NPAS3: variants seen among roughly 807,000 people sequenced by gnomAD.
NPAS3 encodes the protein neuronal PAS domain protein 3, also known as neuronal PAS domain-containing protein 3.
A neutral mutation model predicts 73.1 loss-of-function variants in NPAS3; 14 were observed. That is an observed-to-expected ratio of 0.19 (90% confidence interval 0.13 to 0.30). The LOEUF (loss-of-function observed/expected upper bound fraction) is 0.30, where lower values mean the gene tolerates loss of function less well. Among genes scored for constraint, NPAS3 ranks in the 10% least tolerant of loss-of-function variants. NPAS3 has a pLI of 1.00. For missense variants in NPAS3, 1,096 were observed against 1,250.0 expected (o/e 0.88, Z 1.86); for synonymous variants, 620 against 541.5 (o/e 1.14, Z -2.01).
At chr14:33,569,090 C>T (rs1198102155) in intron 5 of NPAS3, among the ~76,000 whole-genome samples, 1 of 152,110 alleles carries the variant, frequency 6.6e-6, no homozygotes, top group Non-Finnish European at 1.5e-5. Context: ...TTTTTATCTA[C>T]AGATATAAAT....
intron 5 of NPAS3, among the ~76,000 whole-genome samples, chr14:33,617,009 C>G (rs1164599828): frequency 6.6e-6 from 1 of 152,162 alleles, no homozygotes; most frequent in East Asian, 1.9e-4. Context: ...AAATATCTTG[C>G]CTGCAGCACC....
intron 2 of NPAS3, among the ~76,000 whole-genome samples, chr14:33,079,923 T>C (rs115571308): frequency 1.0e-3 from 159 of 152,118 alleles, no homozygotes; most frequent in African/African-American, 3.8e-3. Context: ...GAATTGTACT[T>C]TTTCTTTCAA....
In NPAS3 at chr14:33,165,820, C is replaced by T. The variant is rs76461121; in HGVS notation, c.141-49362C>T. Reference sequence around the variant, plus strand: ...GCACAGTGACACTTTCTGTAGCAAACTTATTCAGCCTAGGCTTATAGGAAT... The same window carrying T: ...GCACAGTGACACTTTCTGTAGCAAATTTATTCAGCCTAGGCTTATAGGAAT... On this transcript the variant is annotated intron_variant, in intron 2 of 11. Coordinates refer to ENST00000356141, the Ensembl canonical transcript of NPAS3. Among the ~76,000 whole-genome samples the T allele has an allele frequency of 5.2e-4, 79 of 152,198 alleles. 1 individual carries two copies. In the East Asian group the frequency reaches 0.013, roughly 25 times the overall value.
chr14:33,743,274 A>G (rs1318656948), intron 7 of NPAS3, among the ~76,000 whole-genome samples: 2 of 152,286 alleles, frequency 1.3e-5, no homozygotes, highest in African/African-American at 4.8e-5. Flanking sequence ...TCTTTAATCT[A>G]TGGGTTGCAG....
Position 33,071,478 on chromosome 14 carries a change from A to G in NPAS3, c.140+15484A>G, listed in dbSNP as rs191251550. Among the ~76,000 whole-genome samples, 38 of 152,342 alleles carry G rather than the reference A, an allele frequency of 2.5e-4. No homozygotes were observed. In the East Asian group the frequency reaches 6.0e-3, roughly 24 times the overall value. The stretch of plus-strand genomic sequence containing the variant: ...TTTAATCATACCGAGCTATAGAAAT[A>G]ATATTCAGATAATTATGTTCAATAA... On this transcript the variant is annotated intron_variant, in intron 2 of 11. Coordinates refer to ENST00000356141, the Ensembl canonical transcript of NPAS3.
At chr14:33,343,992 C>T (rs1240336537) in intron 3 of NPAS3, among the ~76,000 whole-genome samples, 5 of 152,176 alleles carry the variant, frequency 3.3e-5, no homozygotes, top group Non-Finnish European at 7.3e-5. Flanking sequence ...GAAGGATTCC[C>T]TGAAAGTTGC....
chr14:33,802,848 T>C (rs2063749419), downstream of NPAS3: 1 of 152,214 alleles, frequency 6.6e-6, no homozygotes, highest in South Asian at 2.1e-4. Context: ...GTTGCTTTGC[T>C]GGTGTATATT....
In NPAS3 at chr14:33,292,854, A is replaced by G. The variant is rs1201328408; in HGVS notation, c.386-74332A>G. Among the ~76,000 whole-genome samples, 8 of 152,290 alleles carry G rather than the reference A, an allele frequency of 5.3e-5. No homozygotes were observed. In the East Asian group the frequency reaches 1.5e-3, roughly 29 times the overall value. On this transcript the variant is annotated intron_variant, in intron 3 of 11. Transcript: ENST00000356141. Reference sequence around the variant, plus strand: ...GAATGTATTTTGTTGCTCTGATGCAAGACAAATTCTTTCAGGGAAAATGTC... The same window carrying G: ...GAATGTATTTTGTTGCTCTGATGCAGGACAAATTCTTTCAGGGAAAATGTC...
At chr14:33,541,054 T>C (rs972248679) in intron 4 of NPAS3, among the ~76,000 whole-genome samples, 1 of 151,874 alleles carries the variant, frequency 6.6e-6, no homozygotes, top group Non-Finnish European at 1.5e-5. Flanking sequence ...TACCCAGTTA[T>C]GTTTCAAGGA....
rs1014226183 is a variant in NPAS3, at chr14:33,555,748, T to C, written c.469-4373T>C. 2.3e-4 allele frequency among the ~76,000 whole-genome samples: 35 copies of C among 152,204 alleles called. 2 individuals are homozygous for C. The highest frequency in any genetic ancestry group is 1.2e-4 in the African/African-American group (5 of 41,458). ...AGAAAAGTGACCTTGGCAATCCACT[T>C]TAGACCTGACTTCATATCCCATTTT... is the stretch of plus-strand genomic sequence containing the variant. On this transcript the variant is annotated intron_variant, in intron 4 of 11. Transcript: ENST00000356141.
chr14:32,955,468 A>G (rs1471356597), intron 1 of NPAS3, among the ~76,000 whole-genome samples: 1 of 152,076 alleles, frequency 6.6e-6, no homozygotes, highest in Admixed American at 6.6e-5. Flanking sequence ...TAACATGGAA[A>G]TTATCTGTCT....
At chr14:33,149,979 C>T (rs1165334817) in intron 2 of NPAS3, among the ~76,000 whole-genome samples, 3 of 152,162 alleles carry the variant, frequency 2.0e-5, no homozygotes, top group Non-Finnish European at 4.4e-5. Flanking sequence ...GTTCCCCTCC[C>T]TGTGTCCATG....
At chr14:33,681,891 A>AAACG (rs3059433) in intron 6 of NPAS3, among the ~76,000 whole-genome samples, 1 of 151,958 alleles carries the variant, frequency 6.6e-6, no homozygotes, top group African/African-American at 2.4e-5. Context: ...AGTGACAAAC[A>AAACG]GTGTAGTCGA....
chr14:33,654,547 G>A (rs529857608), intron 5 of NPAS3, among the ~76,000 whole-genome samples: 34 of 151,746 alleles, frequency 2.2e-4, no homozygotes, highest in African/African-American at 8.0e-4. Context: ...TTTAGGCTCT[G>A]CAGCTCTAAG....
At chr14:33,436,646 T>C (rs2139209914) in intron 4 of NPAS3, among the ~76,000 whole-genome samples, 1 of 152,346 alleles carries the variant, frequency 6.6e-6, no homozygotes, top group East Asian at 1.9e-4. Context: ...GGTCAGTGCA[T>C]GTATTTAAAT....
intron 2 of NPAS3, among the ~76,000 whole-genome samples, chr14:33,117,198 G>A (rs1372931325): frequency 6.6e-6 from 1 of 151,888 alleles, no homozygotes; most frequent in Non-Finnish European, 1.5e-5. Flanking sequence ...TCATTTCTTG[G>A]TGGTGGGGAC....
chr14:33,313,223 A>G (rs1379982045), intron 3 of NPAS3, among the ~76,000 whole-genome samples: 1 of 152,082 alleles, frequency 6.6e-6, no homozygotes, highest in Non-Finnish European at 1.5e-5. Flanking sequence ...AGTCATTCTC[A>G]TCAGATAAAA....
intron 6 of NPAS3, among the ~76,000 whole-genome samples, chr14:33,732,231 A>G (rs2061418847): frequency 6.6e-6 from 1 of 152,138 alleles, no homozygotes; most frequent in Admixed American, 6.5e-5. Flanking sequence ...ACGCATGTGC[A>G]CGCACACACA....
chr14:33,785,434 CAAAAAAAAA>C (rs1223437695), intron 9 of NPAS3, among the ~76,000 whole-genome samples: 1 of 75,394 alleles, frequency 1.3e-5, no homozygotes, highest in African/African-American at 4.4e-5. Flanking sequence ...GACTCCATCT[CAAAAAAAAA>C]AAAAAAAAAA....
Sources: gnomAD v4.1 joint callset for allele counts (sites outside exome capture counted in the v4.1 genomes callset) on GRCh38, gnomAD v4.1.1 for gene constraint, MANE v1.5 for transcripts, NCBI Gene and HGNC (gene_info 2026-07-23, HGNC 2026-07-21) for gene names.